The following NUP153 variants were observed in gnomAD, a reference collection of about 807,000 sequenced individuals.
The protein encoded by NUP153 is nuclear pore complex protein Nup153.
A neutral mutation model predicts 134.6 loss-of-function variants in NUP153; 27 were observed. The observed-to-expected ratio is 0.20, with a 90% CI of 0.15 to 0.28. NUP153 has a LOEUF of 0.28. Ranked by LOEUF, NUP153 falls within the 10% of genes least tolerant of loss-of-function variation. The pLI is 1.00. For synonymous variants in NUP153, 640 were observed against 623.5 expected, an observed-to-expected ratio of 1.03 and a Z score of -0.40; for missense variants, 1,821 against 1,731.3, an observed-to-expected ratio of 1.05 and a Z score of -0.92.
At position 17,628,549 on chromosome 6, in the gene NUP153, C is replaced by G; in HGVS notation, c.3544+106G>C. On this transcript the variant is annotated intron_variant, in intron 18 of 21. Coordinates refer to ENST00000262077, the MANE Select transcript of NUP153 (RefSeq NM_005124.4). This position sits in a 1 kb window ranked among gnomAD's most constrained non-coding sequence, Gnocchi z 5.4. ...GAGTTCTGTATTTCTCAACTATGTT[C>G]AGTGTAAACCATTAATTGACTTGCT... 3.9e-6 allele frequency: 2 copies of G among 511,564 alleles called. No individual in the cohort carries two copies. The highest frequency in any genetic ancestry group is 5.9e-6 in the Non-Finnish European group (2 of 338,558). The allele number at this position is 511,564 out of a possible 1,614,324, so 31.7% of individuals were successfully genotyped here. A position where few individuals can be genotyped will look rare whatever the true frequency, so the allele number is the denominator to read the frequency against.
intron 2 of NUP153, among the ~76,000 whole-genome samples, chr6:17,684,197 A>T (rs1267301470): frequency 3.9e-5 from 6 of 152,198 alleles, no homozygotes; most frequent in South Asian, 2.1e-4. Flanking sequence ...TTTCTTTATA[A>T]ATTACCCAGT....
chr6:17,683,861 G>C (rs1027510518), intron 2 of NUP153, among the ~76,000 whole-genome samples: 1 of 152,126 alleles, frequency 6.6e-6, no homozygotes, highest in Non-Finnish European at 1.5e-5. Context: ...TCATCTGATA[G>C]TTTAGATGTT....
chr6:17,646,247 G>A (rs771995444), intron 13 of NUP153, 93 bp from the exon 14 acceptor site: 41 of 604,618 alleles, frequency 6.8e-5, no homozygotes, highest in Non-Finnish European at 9.9e-5. Flanking sequence ...TTACTCTGTC[G>A]CCCAGGCTGG....
At chr6:17,620,511 T>C (rs1764596842) in intron 20 of NUP153, among the ~76,000 whole-genome samples, 1 of 152,142 alleles carries the variant, frequency 6.6e-6, no homozygotes, top group African/African-American at 2.4e-5. Context: ...TAGACTTAAG[T>C]GTAAGACATG....
intron 9 of NUP153, 125 bp from the exon 10 acceptor site, chr6:17,662,195 C>T: frequency 1.2e-6 from 1 of 840,118 alleles, no homozygotes; most frequent in Non-Finnish European, 1.9e-6. Flanking sequence ...TTAATGAATC[C>T]TGAAATTTGA....
chr6:17,661,600 C>T (rs2113815913), intron 11 of NUP153, 53 bp downstream of exon 11: 3 of 1,560,536 alleles, frequency 1.9e-6, no homozygotes, highest in Admixed American at 1.8e-5. Flanking sequence ...TTACCACCAC[C>T]ACACCAATGC....
chr6:17,642,904 T>C (rs918631977), intron 14 of NUP153, among the ~76,000 whole-genome samples: 12 of 152,242 alleles, frequency 7.9e-5, no homozygotes, highest in African/African-American at 2.4e-4. Flanking sequence ...CTGTGCTAAG[T>C]GAAAGAACTC....
chr6:17,646,658 A>G (rs1766202913), intron 13 of NUP153, among the ~76,000 whole-genome samples: 1 of 152,116 alleles, frequency 6.6e-6, no homozygotes, highest in Admixed American at 6.6e-5. Flanking sequence ...TTTCTCAGGC[A>G]CTTTTTCTTT....
At chr6:17,693,285 G>A (rs925113583) in intron 1 of NUP153, among the ~76,000 whole-genome samples, 2 of 150,780 alleles carry the variant, frequency 1.3e-5, no homozygotes, top group Non-Finnish European at 2.9e-5. Context: ...TTTTTGATAG[G>A]CTGTTTCTAT....
chr6:17,664,094 C>T (rs552022541), intron 9 of NUP153, among the ~76,000 whole-genome samples: 1 of 152,016 alleles, frequency 6.6e-6, no homozygotes, highest in Admixed American at 6.6e-5. Context: ...ATCTAGTATT[C>T]CTTACAATGA....
chr6:17,655,414 A>G (rs567693001), intron 11 of NUP153, among the ~76,000 whole-genome samples: 2 of 151,900 alleles, frequency 1.3e-5, no homozygotes, highest in South Asian at 4.2e-4. Flanking sequence ...CCAAAGGCCC[A>G]TGAAAATGCC....
At chr6:17,703,866 A>C (rs1264234748) in intron 1 of NUP153, among the ~76,000 whole-genome samples, 1 of 152,240 alleles carries the variant, frequency 6.6e-6, no homozygotes, top group African/African-American at 2.4e-5. Context: ...GCAATGATAA[A>C]TTATCAAGAT....
Position 17,680,378 on chromosome 6 carries a change from T to C in NUP153, c.335-4608A>G, listed in dbSNP as rs58563026. Among the ~76,000 whole-genome samples, 67,978 of 152,010 alleles carry C rather than the reference T, an allele frequency of 0.45. 16,081 individuals are homozygous for C. Among genetic ancestry groups the C allele is most frequent in the Middle Eastern group, 0.74 (215 of 290 alleles). On this transcript the variant is annotated intron_variant, in intron 2 of 21. Coordinates refer to ENST00000262077, the MANE Select transcript of NUP153 (RefSeq NM_005124.4). This position sits in a 1 kb window ranked among gnomAD's most constrained non-coding sequence, Gnocchi z 4.5. Reference sequence around the variant, plus strand: ...GGAAAAGGACAGTCTCTTCATTAAATGGTTTTGGAAAACTGGATATCCACA... The same window carrying C: ...GGAAAAGGACAGTCTCTTCATTAAACGGTTTTGGAAAACTGGATATCCACA...
chr6:17,675,305 T>C lies in NUP153; in HGVS notation c.647A>G (p.His216Arg). The C allele has an allele frequency of 6.2e-7, 1 of 1,614,012 alleles. No homozygotes were observed. The highest frequency in any genetic ancestry group is 1.1e-5 in the South Asian group (1 of 91,086). The change falls in exon 4 of 22, where the codon CAC becomes CGC. Residue 216 changes from histidine to arginine, a missense_variant. Coordinates refer to ENST00000262077, the MANE Select transcript of NUP153 (RefSeq NM_005124.4). The surrounding 1 kb of genome is among the most constrained non-coding windows in gnomAD (Gnocchi z 4.4). ...GGTGGCAGTGTGCTGTGAGAGTGAG[T>C]GAGAACGTTCAGCTTCTGGGGACCA... ...PLWSPEAERS[H>R]SLSQHTATSS...
At chr6:17,629,709 G>A (rs1409200938) in intron 17 of NUP153, among the ~76,000 whole-genome samples, 170 bp from the exon 18 acceptor site, 1 of 152,182 alleles carries the variant, frequency 6.6e-6, no homozygotes, top group Non-Finnish European at 1.5e-5. Flanking sequence ...TATTTAGTCG[G>A]TATGAGAATG....
chr6:17,641,565 CAAAA>C (rs1561867949), intron 14 of NUP153, among the ~76,000 whole-genome samples: 3 of 150,866 alleles, frequency 2.0e-5, no homozygotes, highest in South Asian at 2.1e-4. Flanking sequence ...AACAAACAAA[CAAAA>C]AGGCCAGGCA....
chr6:17,637,862 C>G (rs1765640935), intron 15 of NUP153, 92 bp from the exon 16 acceptor site: 1 of 1,333,054 alleles, frequency 7.5e-7, no homozygotes, highest in Non-Finnish European at 1.0e-6. Flanking sequence ...ACGTTTACCT[C>G]ACTGCACACT....
chr6:17,669,598 A>G (rs781507346), intron 5 of NUP153, 52 bp from the exon 6 acceptor site: 2 of 1,195,636 alleles, frequency 1.7e-6, no homozygotes, highest in Non-Finnish European at 2.5e-6. Flanking sequence ...TAAGGCACAT[A>G]TTTCATGCAG....
At chr6:17,660,854 A>G (rs976289994) in intron 11 of NUP153, among the ~76,000 whole-genome samples, 27 of 152,322 alleles carry the variant, frequency 1.8e-4, no homozygotes, top group African/African-American at 6.3e-4. Flanking sequence ...TGCAGACAGA[A>G]AAGTGCATAT....
Sources: gnomAD v4.1 joint callset for allele counts (sites outside exome capture counted in the v4.1 genomes callset) on GRCh38, gnomAD v4.1.1 for gene constraint, Gnocchi (gnomAD v3.1) non-coding constraint, MANE v1.5 for transcripts, NCBI Gene and HGNC (gene_info 2026-07-23, HGNC 2026-07-21) for gene names.